Variants in TENM4 observed in about 807,000 individuals in gnomAD.
TENM4 encodes the protein teneurin-4.
A neutral mutation model predicts 243.3 loss-of-function variants in TENM4; 82 were observed. The ratio of observed to expected loss-of-function variants is 0.34; its 90% CI spans 0.28 to 0.40. The LOEUF (loss-of-function observed/expected upper bound fraction) is 0.40. TENM4 is among the 10% of genes least tolerant of loss of function. TENM4 has a pLI of 1.00. For missense variants in TENM4, 3,138 were observed against 3,673.3 expected (o/e 0.85, Z 3.77); for synonymous variants, 1,412 against 1,456.3 (o/e 0.97, Z 0.69).
intron 23 of TENM4, among the ~76,000 whole-genome samples, chr11:78,724,713 G>C (rs1274140103): frequency 6.6e-6 from 1 of 152,200 alleles, no homozygotes; most frequent in African/African-American, 2.4e-5. Context: ...AACAGACCAC[G>C]ATCCCTGGCT....
intron 6 of TENM4, among the ~76,000 whole-genome samples, chr11:79,008,620 T>C (rs1858554343): frequency 6.6e-6 from 1 of 152,240 alleles, no homozygotes; most frequent in Admixed American, 6.5e-5. Context: ...TACATTAGCT[T>C]GGTATGCCAT....
intron 4 of TENM4, among the ~76,000 whole-genome samples, chr11:79,079,126 G>C (rs978045965): frequency 6.6e-6 from 1 of 152,226 alleles, no homozygotes; most frequent in Non-Finnish European, 1.5e-5. Flanking sequence ...GACAGAGACA[G>C]GGCTTTCCTG....
chr11:79,132,364 A>T (rs1862025566), intron 4 of TENM4, among the ~76,000 whole-genome samples: 1 of 150,502 alleles, frequency 6.6e-6, no homozygotes. Flanking sequence ...AAAAAAAAAG[A>T]GAAATGAGAT....
At chr11:78,741,709 C>T (rs912327923) in intron 19 of TENM4, among the ~76,000 whole-genome samples, 2 of 152,084 alleles carry the variant, frequency 1.3e-5, no homozygotes, top group Non-Finnish European at 2.9e-5. Context: ...TTCTGCATGC[C>T]ACTGGAACAC....
At chr11:78,945,092 A>C (rs1241971335) in intron 6 of TENM4, among the ~76,000 whole-genome samples, 3 of 152,204 alleles carry the variant, frequency 2.0e-5, no homozygotes, top group Admixed American at 2.0e-4. Flanking sequence ...CAAAACAACG[A>C]TTCTCTATAG....
At chr11:78,822,925 C>T (rs1857764804) in intron 12 of TENM4, among the ~76,000 whole-genome samples, 1 of 152,168 alleles carries the variant, frequency 6.6e-6, no homozygotes, top group South Asian at 2.1e-4. Flanking sequence ...ACCCTCCCTG[C>T]GGTTCCTGAG....
chr11:79,359,054 C>G (rs532297860), intron 1 of TENM4, among the ~76,000 whole-genome samples: 7 of 151,242 alleles, frequency 4.6e-5, no homozygotes, highest in Admixed American at 4.6e-4. Flanking sequence ...TCACTTGAGG[C>G]CAATAGTTCA....
intron 12 of TENM4, among the ~76,000 whole-genome samples, chr11:78,835,226 G>C (rs1042634367): frequency 6.6e-6 from 1 of 152,172 alleles, no homozygotes; most frequent in South Asian, 2.1e-4. Context: ...ACAGCACACT[G>C]GCCGGGCACA....
chr11:79,377,488 T>A (rs934491232), intron 1 of TENM4, among the ~76,000 whole-genome samples: 5 of 152,122 alleles, frequency 3.3e-5, no homozygotes, highest in African/African-American at 1.2e-4. Context: ...CTCTCTGGCC[T>A]TTTTTTCCCT....
chr11:79,187,756 TAAG>T (rs1312169721), intron 3 of TENM4, among the ~76,000 whole-genome samples: 1 of 152,078 alleles, frequency 6.6e-6, no homozygotes, highest in Non-Finnish European at 1.5e-5. Context: ...GGTGTCCTTA[TAAG>T]AAGAGATTAG....
At chr11:78,787,687 C>A (rs1391062784) in intron 15 of TENM4, among the ~76,000 whole-genome samples, 2 of 152,152 alleles carry the variant, frequency 1.3e-5, no homozygotes, top group African/African-American at 4.8e-5. Flanking sequence ...TTGTTCTGAG[C>A]TTTTGCTGGG....
At chr11:79,265,639 C>T (rs1855871622) in intron 2 of TENM4, among the ~76,000 whole-genome samples, 1 of 152,064 alleles carries the variant, frequency 6.6e-6, no homozygotes. Flanking sequence ...CTTTCATCTA[C>T]TTTTCACATA....
At chr11:79,402,113 A>G (rs372382697) in intron 1 of TENM4, 14 of 380,618 alleles carry the variant, frequency 3.7e-5, no homozygotes, top group African/African-American at 2.0e-4. Flanking sequence ...GGCAGTTACC[A>G]TTTCACACAC....
intron 6 of TENM4, among the ~76,000 whole-genome samples, chr11:78,914,599 T>G (rs542004714): frequency 2.0e-5 from 3 of 152,270 alleles, no homozygotes; most frequent in Admixed American, 2.0e-4. Flanking sequence ...TATACACAGT[T>G]AAACTTAATG....
At chr11:79,360,696 A>G (rs758959744) in intron 1 of TENM4, among the ~76,000 whole-genome samples, 1 of 152,198 alleles carries the variant, frequency 6.6e-6, no homozygotes, top group African/African-American at 2.4e-5. Context: ...TGAATTACCA[A>G]TTCTCTCGAG....
intron 28 of TENM4, among the ~76,000 whole-genome samples, chr11:78,699,805 A>T (rs1859062235): frequency 6.6e-6 from 1 of 152,214 alleles, no homozygotes; most frequent in African/African-American, 2.4e-5. Context: ...ATGTGTGAGC[A>T]TTCGGTTTGG....
At chr11:79,103,139 C>T (rs571215444) in intron 4 of TENM4, among the ~76,000 whole-genome samples, 7 of 152,206 alleles carry the variant, frequency 4.6e-5, no homozygotes, top group Non-Finnish European at 7.4e-5. Context: ...CTTCCAATGC[C>T]CTTTCTGCCT....
intron 25 of TENM4, among the ~76,000 whole-genome samples, chr11:78,713,246 C>T (rs566763188): frequency 2.0e-5 from 3 of 152,306 alleles, no homozygotes; most frequent in East Asian, 1.9e-4. Flanking sequence ...GCATCAACAC[C>T]GTCTTCAGTG....
intron 11 of TENM4, 117 bp downstream of exon 11, chr11:78,855,847 A>C: frequency 4.1e-6 from 4 of 975,398 alleles, no homozygotes; most frequent in Non-Finnish European, 6.1e-6. Context: ...TGAATGGGCT[A>C]TAAAATATAT....
Sources: gnomAD v4.1 joint callset for allele counts (sites outside exome capture counted in the v4.1 genomes callset) on GRCh38, gnomAD v4.1.1 for gene constraint, MANE v1.5 for transcripts, NCBI Gene and HGNC (gene_info 2026-07-23, HGNC 2026-07-21) for gene names.